The following WDR25 variants were observed in gnomAD, a reference collection of about 807,000 sequenced individuals.
WDR25 encodes the protein WD repeat-containing protein 25.
In WDR25, 35 loss-of-function variants were observed where a neutral mutation model predicts 47.7. That is an observed-to-expected ratio of 0.73 (90% CI 0.56 to 0.97). The LOEUF is 0.97. Ranked by LOEUF, WDR25 falls within the 50% of genes least tolerant of loss-of-function variation. The pLI is 0.00. For synonymous variants in WDR25, 248 were observed against 278.9 expected (o/e 0.89, Z 1.10); for missense variants, 634 against 704.7 (o/e 0.90, Z 1.14).
intron 4 of WDR25, among the ~76,000 whole-genome samples, chr14:100,493,306 C>T (rs1442802313): frequency 6.6e-6 from 1 of 152,198 alleles, no homozygotes; most frequent in Admixed American, 6.5e-5. Flanking sequence ...GCCCCAGCCC[C>T]TGGCAACCAT....
intron 2 of WDR25, among the ~76,000 whole-genome samples, chr14:100,397,932 A>C (rs1436509387): frequency 1.3e-5 from 2 of 152,184 alleles, no homozygotes; most frequent in Non-Finnish European, 2.9e-5. Flanking sequence ...TCTGCCTCGC[A>C]GGCTCAAGCA....
At position 100,512,914 on chromosome 14, in the gene WDR25, T is replaced by C. The variant is rs112503991; in HGVS notation, c.1102-12956T>C. Among the ~76,000 whole-genome samples, 7 of 152,368 alleles carry C rather than the reference T, an allele frequency of 4.6e-5. 1 individual carries two copies. Among genetic ancestry groups the C allele is most frequent in the African/African-American group, 1.7e-4 (7 of 41,594 alleles). On this transcript the variant is annotated intron_variant, in intron 4 of 6. Transcript: ENST00000402312. ...TTTCAGATGCCTCTTTGTTATTTTT[T>C]CTAATTCAATTCCATTGTGGTCACA...
At chr14:100,395,536 A>C (rs1304695662) in intron 2 of WDR25, among the ~76,000 whole-genome samples, 2 of 152,026 alleles carry the variant, frequency 1.3e-5, no homozygotes, top group Non-Finnish European at 2.9e-5. Flanking sequence ...ATTTGAACTC[A>C]CCTTTGCTGC....
In WDR25 at chr14:100,529,288, G is replaced by T; in HGVS notation, c.1413+80G>T. The T allele has an allele frequency of 6.3e-7, 1 of 1,585,066 alleles. No homozygotes were observed. On this transcript the variant is annotated intron_variant, in intron 6 of 6. Transcript: ENST00000402312. This position sits in a 1 kb window ranked among gnomAD's most constrained non-coding sequence, Gnocchi z 5.1. The stretch of plus-strand genomic sequence containing the variant: ...GGCAGTCCTGGACATGGGCCCTGGG[G>T]TGCATGGAGCCTCTGTCTGGGTGGA...
chr14:100,522,985 A>G (rs965096411), intron 4 of WDR25, among the ~76,000 whole-genome samples: 6 of 152,188 alleles, frequency 3.9e-5, no homozygotes, highest in Admixed American at 1.3e-4. Flanking sequence ...GGCTGGCTCA[A>G]TCAGGGCCAG....
rs571773784 is a variant in WDR25, at chr14:100,488,564, G to A, written c.1101+4440G>A. Among the ~76,000 whole-genome samples, 1 of 152,276 alleles carries A rather than the reference G, an allele frequency of 6.6e-6. No homozygotes were observed. Among genetic ancestry groups the A allele is most frequent in the Admixed American group, 6.5e-5 (1 of 15,304 alleles). ...TGGCAGGCCAAGCCACGCCTCCAAA[G>A]TAGCGTTTCTCAAACTCACCTGTGT... On this transcript the variant is annotated intron_variant, in intron 4 of 6. Coordinates refer to ENST00000402312, the MANE Select transcript of WDR25 (RefSeq NM_001161476.3). This position sits in a 1 kb window ranked among gnomAD's most constrained non-coding sequence, Gnocchi z 4.2.
At chr14:100,420,232 C>T (rs1045156457) in intron 2 of WDR25, among the ~76,000 whole-genome samples, 7 of 152,390 alleles carry the variant, frequency 4.6e-5, no homozygotes, top group Admixed American at 4.6e-4. Flanking sequence ...CCCCTTCCCC[C>T]ACTTCCCTCC....
intron 5 of WDR25, among the ~76,000 whole-genome samples, chr14:100,527,307 TATC>T (rs1179670005): frequency 1.3e-5 from 2 of 151,422 alleles, no homozygotes; most frequent in Admixed American, 1.3e-4. Context: ...ATTATATTGT[TATC>T]ATCACCACCA....
intron 2 of WDR25, among the ~76,000 whole-genome samples, chr14:100,421,949 T>A (rs1435967003): frequency 6.6e-6 from 1 of 152,254 alleles, no homozygotes; most frequent in African/African-American, 2.4e-5. Flanking sequence ...CAAGTTTATT[T>A]ACTCATTCTC....
At chr14:100,401,195 C>T (rs559358930) in intron 2 of WDR25, among the ~76,000 whole-genome samples, 209 of 152,252 alleles carry the variant, frequency 1.4e-3, no homozygotes, top group Middle Eastern at 6.8e-3. Flanking sequence ...GTTCCTGGGG[C>T]GGGAGAGACC....
rs1284274006 is a variant in WDR25, at chr14:100,425,039, A to G, written c.823-42982A>G. 6.6e-6 allele frequency among the ~76,000 whole-genome samples: 1 copy of G among 152,122 alleles called. No homozygotes were observed. Among genetic ancestry groups the G allele is most frequent in the Non-Finnish European group, 1.5e-5 (1 of 68,012 alleles). On this transcript the variant is annotated intron_variant, in intron 2 of 6. Coordinates refer to ENST00000402312, the MANE Select transcript of WDR25 (RefSeq NM_001161476.3). This position sits in a 1 kb window ranked among gnomAD's most constrained non-coding sequence, Gnocchi z 4.8. Reference sequence around the variant, plus strand: ...CACCTTCCTGGCCCAGGCTACCATCATATCTTGCCAAGACAAGTGCAGCAG... The same window carrying G: ...CACCTTCCTGGCCCAGGCTACCATCGTATCTTGCCAAGACAAGTGCAGCAG...
chr14:100,394,259 G>T (rs1236011834), intron 2 of WDR25, among the ~76,000 whole-genome samples: 1 of 152,178 alleles, frequency 6.6e-6, no homozygotes, highest in African/African-American at 2.4e-5. Context: ...GTCCCTCTAG[G>T]TGTGGCTTCT....
intron 2 of WDR25, chr14:100,455,610 T>C (rs1306498349): frequency 2.0e-5 from 3 of 151,896 alleles, no homozygotes; most frequent in East Asian, 1.9e-4. Context: ...CCTAGGCATA[T>C]GGTAGTCAAA....
At chr14:100,413,984 G>A (rs920165881) in intron 2 of WDR25, among the ~76,000 whole-genome samples, 12 of 147,538 alleles carry the variant, frequency 8.1e-5, no homozygotes, top group South Asian at 2.1e-4. Flanking sequence ...CTAGTGAGCC[G>A]TTAGAGGTAG....
chr14:100,421,096 G>A (rs1898013579), intron 2 of WDR25, among the ~76,000 whole-genome samples: 1 of 152,184 alleles, frequency 6.6e-6, no homozygotes, highest in South Asian at 2.1e-4. Flanking sequence ...CTGTGTTTGT[G>A]ACATTCCATT....
chr14:100,409,203 A>C (rs563195690), intron 2 of WDR25, among the ~76,000 whole-genome samples: 1 of 152,308 alleles, frequency 6.6e-6, no homozygotes, highest in Non-Finnish European at 1.5e-5. Flanking sequence ...GAGCTTATCA[A>C]ATTGGAGACC....
Position 100,497,500 on chromosome 14 carries a change from C to CA in WDR25, c.1101+13383dup, listed in dbSNP as rs200074321. On this transcript the variant is annotated intron_variant, in intron 4 of 6. Transcript: ENST00000402312. ...CAAAACAAAAACAAAAACAAACAAA[C>CA]AAAAAAAGAAATCAAGTTCCCACCT... Among the ~76,000 whole-genome samples the CA allele has an allele frequency of 5.2e-4, 79 of 152,092 alleles. 1 individual carries two copies. In the East Asian group the frequency reaches 0.013, roughly 24 times the overall value.
In WDR25 at chr14:100,407,521, CT is replaced by C. The variant is rs1359455736; in HGVS notation, c.822+25777del. ...TGGGGCTCATGGATGGTTTTAGGCCCTTCTGCCCCCTTTGTCAGTGTGCCCT... is the reference window on the plus strand; with the variant it reads ...TGGGGCTCATGGATGGTTTTAGGCCCTCTGCCCCCTTTGTCAGTGTGCCCT... On this transcript the variant is annotated intron_variant, in intron 2 of 6. Transcript: ENST00000402312. This position sits in a 1 kb window ranked among gnomAD's most constrained non-coding sequence, Gnocchi z 4.1. 1 of 152,446 alleles carries C rather than the reference CT, an allele frequency of 6.6e-6. No individual in the cohort carries two copies. Among genetic ancestry groups the C allele is most frequent in the East Asian group, 1.9e-4 (1 of 5,168 alleles). The allele number at this position is 152,446 out of a possible 1,614,324, so 9.4% of individuals were successfully genotyped here. A position where few individuals can be genotyped will look rare whatever the true frequency, so the allele number is the denominator to read the frequency against.
At chr14:100,382,840 T>C (rs1896936971) in intron 2 of WDR25, among the ~76,000 whole-genome samples, 2 of 151,916 alleles carry the variant, frequency 1.3e-5, no homozygotes, top group African/African-American at 2.4e-5. Flanking sequence ...TCCTGTGGAG[T>C]CTAGTGTCTC....
Sources: gnomAD v4.1 joint callset for allele counts (sites outside exome capture counted in the v4.1 genomes callset) on GRCh38, gnomAD v4.1.1 for gene constraint, Gnocchi (gnomAD v3.1) non-coding constraint, MANE v1.5 for transcripts, NCBI Gene and HGNC (gene_info 2026-07-23, HGNC 2026-07-21) for gene names.